FSBP: variants seen among roughly 807,000 people sequenced by gnomAD.
FSBP encodes the protein fibrinogen silencer binding protein.
Under a neutral mutation model 24.6 loss-of-function variants are expected in FSBP, and 18 were observed. That is an observed-to-expected ratio of 0.73 (90% CI 0.51 to 1.08). FSBP has a LOEUF of 1.08. Among genes scored for constraint, FSBP ranks in the 50% least tolerant of loss-of-function variants. FSBP has a pLI of 0.00. For missense variants in FSBP, 305 were observed against 347.6 expected (o/e 0.88, Z 0.98); for synonymous variants, 110 against 125.8 (o/e 0.87, Z 0.84).
Position 94,429,638 on chromosome 8 carries a change from C to T in FSBP, c.*2493G>A, listed in dbSNP as rs1352012869. ...ACTAGAATTATACTGGGAAACATTA[C>T]CTCAAATTAAGAATTACAAGATTCA... On this transcript the variant is annotated 3_prime_UTR_variant, in exon 2 of 2. Transcript: ENST00000481490. The T allele has an allele frequency of 2.0e-6, 2 of 983,520 alleles. No homozygotes were observed. The highest frequency in any genetic ancestry group is 3.5e-5 in the African/African-American group (2 of 57,132). The allele number at this position is 983,520 out of a possible 1,614,324, so 60.9% of individuals were successfully genotyped here.
intron 1 of FSBP, among the ~76,000 whole-genome samples, chr8:94,434,833 T>G (rs897870291): frequency 2.0e-5 from 3 of 151,658 alleles, no homozygotes; most frequent in Admixed American, 6.6e-5. Flanking sequence ...GCCATAGGTA[T>G]AGAAATGTAC....
Position 94,431,138 on chromosome 8 carries a change from T to C in FSBP, c.*993A>G. On this transcript the variant is annotated 3_prime_UTR_variant, in exon 2 of 2. Transcript: ENST00000481490. ...TTAGAGATTTAATATAAATTTAATA[T>C]GTATGCTTTAAGAATTGAGGTTTTA... is the stretch of plus-strand genomic sequence containing the variant. The C allele has an allele frequency of 7.5e-6, 7 of 935,094 alleles. No homozygotes were observed. The highest frequency in any genetic ancestry group is 8.9e-6 in the Non-Finnish European group (7 of 784,196). The allele number at this position is 935,094 out of a possible 1,614,324, so 57.9% of individuals were successfully genotyped here. A position where few individuals can be genotyped will look rare whatever the true frequency, so the allele number is the denominator to read the frequency against.
At chr8:94,433,784 CTTTA>C (rs1448954669) in intron 1 of FSBP, among the ~76,000 whole-genome samples, 1 of 151,192 alleles carries the variant, frequency 6.6e-6, no homozygotes, top group South Asian at 2.1e-4. Flanking sequence ...AATGGAAATA[CTTTA>C]TTTAATATTA....
chr8:94,434,407 T>G (rs3136413), intron 1 of FSBP, among the ~76,000 whole-genome samples: 1,652 of 151,916 alleles, frequency 0.011, 18 homozygotes, highest in Non-Finnish European at 0.019. Context: ...GAATCAGAAC[T>G]TTGAAGATCA....
rs1026788688 is a variant in FSBP at position 94,429,022 on chromosome 8, A to G, written c.*3109T>C. 29 of 983,606 alleles carry G rather than the reference A, an allele frequency of 2.9e-5. No individual in the cohort carries two copies. The highest frequency in any genetic ancestry group is 5.2e-5 in the African/African-American group (3 of 57,214). 60.9% of individuals were successfully genotyped at this position (983,606 alleles called of 1,614,324 possible). On this transcript the variant is annotated 3_prime_UTR_variant, in exon 2 of 2. Coordinates refer to ENST00000481490, the MANE Select transcript of FSBP (RefSeq NM_001256141.2). ...GTTATACAAGGGGAGGTAGACAATG[A>G]GGAGAATTATATGCATTTAAACTTT...
Position 94,429,225 on chromosome 8 carries a change from G to T in FSBP, c.*2906C>A. The T allele has an allele frequency of 1.5e-6, 1 of 648,620 alleles. No homozygotes were observed. The highest frequency in any genetic ancestry group is 1.9e-6 in the Non-Finnish European group (1 of 522,754). The allele number at this position is 648,620 out of a possible 1,614,324, so 40.2% of individuals were successfully genotyped here. A position where few individuals can be genotyped will look rare whatever the true frequency, so the allele number is the denominator to read the frequency against. ...TGTCACCTAACACACTAAAGAAAAA[G>T]CAATCTTAAACAATGCTGCAGAAAA... is the stretch of plus-strand genomic sequence containing the variant. On this transcript the variant is annotated 3_prime_UTR_variant, in exon 2 of 2. Coordinates refer to ENST00000481490, the MANE Select transcript of FSBP (RefSeq NM_001256141.2).
At position 94,431,081 on chromosome 8, in the gene FSBP, G is replaced by T. The variant is rs904906616; in HGVS notation, c.*1050C>A. ...AAAATCCCTTCTCAACAAAACCCCAGCAAAAATAGAAATTCTTAAGTAACA... is the reference window on the plus strand; with the variant it reads ...AAAATCCCTTCTCAACAAAACCCCATCAAAAATAGAAATTCTTAAGTAACA... On this transcript the variant is annotated 3_prime_UTR_variant, in exon 2 of 2. Coordinates refer to ENST00000481490, the MANE Select transcript of FSBP (RefSeq NM_001256141.2). 1 of 984,632 alleles carries T rather than the reference G, an allele frequency of 1.0e-6. No individual in the cohort carries two copies. Among genetic ancestry groups the T allele is most frequent in the Admixed American group, 6.2e-5 (1 of 16,232 alleles). 61.0% of individuals were successfully genotyped at this position (984,632 alleles called of 1,614,324 possible). A position where few individuals can be genotyped will look rare whatever the true frequency, so the allele number is the denominator to read the frequency against.
chr8:94,432,232 T>C lies in FSBP; in HGVS notation c.799A>G (p.Arg267Gly). 2 of 1,550,434 alleles carry C rather than the reference T, an allele frequency of 1.3e-6. No individual in the cohort carries two copies. The highest frequency in any genetic ancestry group is 1.7e-6 in the Non-Finnish European group (2 of 1,146,892). Residue 267 changes from arginine to glycine, a missense_variant, in exon 2 of 2, where the codon AGG becomes GGG. Transcript: ENST00000481490. ...AGTAGCTCTTCCTCTAGCTGCTGCC[T>C]TCTTTTCAATCCATCCCTCTTCTCC... The part of the protein sequence containing the change: ...VQEKRDGLKR[R>G]QQLEEELLRA...
In FSBP at chr8:94,429,087, AAGATTG is replaced by A. The variant is rs1812017791; in HGVS notation, c.*3038_*3043del. ...AAACAAGACTGACTTGGAGAAAAAC[AAGATTG>A]ACTTGGAAAAGTTGCTGCAGTAAAC... is the stretch of plus-strand genomic sequence containing the variant. On this transcript the variant is annotated 3_prime_UTR_variant, in exon 2 of 2. Coordinates refer to ENST00000481490, the MANE Select transcript of FSBP (RefSeq NM_001256141.2). The A allele has an allele frequency of 1.0e-6, 1 of 985,404 alleles. No individual in the cohort carries two copies. Among genetic ancestry groups the A allele is most frequent in the African/African-American group, 1.7e-5 (1 of 57,368 alleles). The allele number at this position is 985,404 out of a possible 1,614,324, so 61.0% of individuals were successfully genotyped here.
chr8:94,430,522 A>C lies in FSBP; in HGVS notation c.*1609T>G, dbSNP rs1455394658. 9.4e-5 allele frequency: 81 copies of C among 860,684 alleles called. No individual in the cohort carries two copies. The highest frequency in any genetic ancestry group is 1.1e-4 in the Non-Finnish European group (78 of 716,740). 53.3% of individuals were successfully genotyped at this position (860,684 alleles called of 1,614,324 possible). A position where few individuals can be genotyped will look rare whatever the true frequency, so the allele number is the denominator to read the frequency against. ...ATCGCTAAAGGGTTTATTAAAAGAG[A>C]TTGCTGACACCCCCAGGGTTTCTAA... On this transcript the variant is annotated 3_prime_UTR_variant, in exon 2 of 2. Transcript: ENST00000481490.
In FSBP at chr8:94,429,791, C is replaced by G. The variant is rs1292092865; in HGVS notation, c.*2340G>C. ...GTTAACTCTACCAGCTATAAAACACCCTCTTTTTAATCCAACCAATGAAAT... is the reference window on the plus strand; with the variant it reads ...GTTAACTCTACCAGCTATAAAACACGCTCTTTTTAATCCAACCAATGAAAT... On this transcript the variant is annotated 3_prime_UTR_variant, in exon 2 of 2. Transcript: ENST00000481490. 1.0e-6 allele frequency: 1 copy of G among 985,008 alleles called. No individual in the cohort carries two copies. 61.0% of individuals were successfully genotyped at this position (985,008 alleles called of 1,614,324 possible). A position where few individuals can be genotyped will look rare whatever the true frequency, so the allele number is the denominator to read the frequency against.
chr8:94,434,560 T>C (rs1322720382), intron 1 of FSBP, among the ~76,000 whole-genome samples: 1 of 151,890 alleles, frequency 6.6e-6, no homozygotes, highest in Admixed American at 6.6e-5. Flanking sequence ...AGTATTTTCC[T>C]TATTAAAAAG....
At position 94,431,930 on chromosome 8, in the gene FSBP, A is replaced by G; in HGVS notation, c.*201T>C. 8.0e-7 allele frequency: 1 copy of G among 1,250,428 alleles called. No homozygotes were observed. The highest frequency in any genetic ancestry group is 1.0e-6 in the Non-Finnish European group (1 of 988,392). The allele number at this position is 1,250,428 out of a possible 1,614,324, so 77.5% of individuals were successfully genotyped here. A position where few individuals can be genotyped will look rare whatever the true frequency, so the allele number is the denominator to read the frequency against. ...ACTTAGGGAAAAAAAAAAGAAGACAATAAAAACTATAACCATGCCAACCAA... is the reference window on the plus strand; with the variant it reads ...ACTTAGGGAAAAAAAAAAGAAGACAGTAAAAACTATAACCATGCCAACCAA... On this transcript the variant is annotated 3_prime_UTR_variant, in exon 2 of 2. Coordinates refer to ENST00000481490, the MANE Select transcript of FSBP (RefSeq NM_001256141.2).
Position 94,431,758 on chromosome 8 carries a change from C to T in FSBP, c.*373G>A. Reference sequence around the variant, plus strand: ...AGGTTAGTATAGCTCCTAAATTAGACTGACTTAAAAATCTCTAATTATAGC... The same window carrying T: ...AGGTTAGTATAGCTCCTAAATTAGATTGACTTAAAAATCTCTAATTATAGC... On this transcript the variant is annotated 3_prime_UTR_variant, in exon 2 of 2. Transcript: ENST00000481490. 1.0e-6 allele frequency: 1 copy of T among 996,256 alleles called. No homozygotes were observed. Among genetic ancestry groups the T allele is most frequent in the Non-Finnish European group, 1.2e-6 (1 of 836,810 alleles). 61.7% of individuals were successfully genotyped at this position (996,256 alleles called of 1,614,324 possible). A position where few individuals can be genotyped will look rare whatever the true frequency, so the allele number is the denominator to read the frequency against.
intron 1 of FSBP, among the ~76,000 whole-genome samples, chr8:94,433,822 T>C (rs778320625): frequency 1.3e-5 from 2 of 151,672 alleles, no homozygotes; most frequent in Non-Finnish European, 3.0e-5. Flanking sequence ...TTACATATAA[T>C]AAGAAACATA....
Position 94,432,009 on chromosome 8 carries a change from G to T in FSBP, c.*122C>A. 7.6e-7 allele frequency: 1 copy of T among 1,310,406 alleles called. No homozygotes were observed. Among genetic ancestry groups the T allele is most frequent in the Non-Finnish European group, 9.7e-7 (1 of 1,029,946 alleles). 81.2% of individuals were successfully genotyped at this position (1,310,406 alleles called of 1,614,324 possible). ...ATAATTAGAAAATTATATCTAAAAAGTTTTTCCATAATAGAGATTAACAAC... is the reference window on the plus strand; with the variant it reads ...ATAATTAGAAAATTATATCTAAAAATTTTTTCCATAATAGAGATTAACAAC... On this transcript the variant is annotated 3_prime_UTR_variant, in exon 2 of 2. Coordinates refer to ENST00000481490, the MANE Select transcript of FSBP (RefSeq NM_001256141.2).
chr8:94,436,378 C>A (rs1021323071), intron 1 of FSBP, 117 bp downstream of exon 1: 1 of 1,279,800 alleles, frequency 7.8e-7, no homozygotes. Context: ...AACAAAGACA[C>A]TATTCATTGC....
At position 94,436,647 on chromosome 8, in the gene FSBP, C is replaced by T; in HGVS notation, c.222G>A (p.Arg74=). Residue 74 remains arginine, a synonymous_variant, in exon 1 of 2, where the codon AGG becomes AGA. Transcript: ENST00000481490. ...GCTCCTGTTTGGCATATTCTTTGAG[C>T]CTTTTATAAAGGGTGCGTAGGCCCT... ...TAQGLRTLYK[R]LKEYAKQELL... 2 of 1,550,498 alleles carry T rather than the reference C, an allele frequency of 1.3e-6. No homozygotes were observed. Among genetic ancestry groups the T allele is most frequent in the South Asian group, 1.2e-5 (1 of 84,050 alleles).
intron 1 of FSBP, among the ~76,000 whole-genome samples, chr8:94,435,670 C>CATA (rs952094496): frequency 6.6e-4 from 100 of 152,154 alleles, no homozygotes; most frequent in African/African-American, 2.4e-3. Flanking sequence ...CAAATAGTTA[C>CATA]ATAGAAGACA....
Sources: allele counts gnomAD v4.1 joint callset (sites outside exome capture counted in the v4.1 genomes callset), GRCh38; gene constraint gnomAD v4.1.1; transcripts MANE v1.5; gene names NCBI Gene and HGNC (gene_info 2026-07-23, HGNC 2026-07-21).